Variants in SIM1 observed in about 807,000 individuals in gnomAD.
SIM1 encodes the protein SIM bHLH transcription factor 1.
SIM1 carries 18 observed loss-of-function variants against 78.2 expected under a neutral mutation model. That is an observed-to-expected ratio of 0.23 (90% confidence interval 0.16 to 0.34). The LOEUF (loss-of-function observed/expected upper bound fraction) is 0.34, where lower values mean the gene tolerates loss of function less well. Among genes scored for constraint, SIM1 ranks in the 10% least tolerant of loss-of-function variants. SIM1 has a pLI of 1.00. For missense variants in SIM1, 939 were observed against 975.1 expected (o/e 0.96, Z 0.49); for synonymous variants, 417 against 385.2 (o/e 1.08, Z -0.97).
chr6:100,443,180 A>G (rs751535223), intron 9 of SIM1, among the ~76,000 whole-genome samples: 12 of 152,110 alleles, frequency 7.9e-5, no homozygotes, highest in South Asian at 2.1e-4. Context: ...TACACTACCA[A>G]TATAAATTGT....
chr6:100,395,117 A>T (rs1418954905), intron 10 of SIM1, among the ~76,000 whole-genome samples: 1 of 152,172 alleles, frequency 6.6e-6, no homozygotes, highest in Non-Finnish European at 1.5e-5. Flanking sequence ...CAAGCCACTA[A>T]AATCAGTAAT....
At chr6:100,427,610 T>A (rs1771768536) in intron 9 of SIM1, among the ~76,000 whole-genome samples, 1 of 152,236 alleles carries the variant, frequency 6.6e-6, no homozygotes, top group Non-Finnish European at 1.5e-5. Flanking sequence ...TGTTGATATG[T>A]GGCAAAGTCA....
intron 10 of SIM1, among the ~76,000 whole-genome samples, chr6:100,402,325 A>G (rs1049608316): frequency 6.6e-6 from 1 of 152,182 alleles, no homozygotes; most frequent in African/African-American, 2.4e-5. Context: ...AACTGCAGAA[A>G]GAAATCAGGC....
chr6:100,393,726 G>C lies in SIM1; in HGVS notation c.1331C>G (p.Ser444Cys), dbSNP rs749255309. The C allele has an allele frequency of 1.2e-6, 2 of 1,614,118 alleles. No homozygotes were observed. Among genetic ancestry groups the C allele is most frequent in the East Asian group, 2.2e-5 (1 of 44,898 alleles). The stretch of plus-strand genomic sequence containing the variant: ...GTCAAGCGCAAAGCCATAGCAGAGA[G>C]AGCTGCGGTCCGAAAACTGTCTGTA... ...CAYRQFSDRSSLCYGFALDHS... is the reference protein window; with the variant it reads ...CAYRQFSDRSCLCYGFALDHS... The change falls in exon 11 of 12, where the codon TCT becomes TGT. Residue 444 changes from serine (S) to cysteine (C), a missense_variant. Physicochemically the swap from Ser to Cys is moderately radical, Grantham distance 112. Coordinates refer to ENST00000369208, the MANE Select transcript of SIM1 (RefSeq NM_005068.3).
chr6:100,453,931 G>A, intron 2 of SIM1, 87 bp from the exon 3 acceptor site: 2 of 949,386 alleles, frequency 2.1e-6, no homozygotes, highest in Non-Finnish European at 3.2e-6. Context: ...TATTACCCGA[G>A]TGCCGGCCCC....
intron 9 of SIM1, among the ~76,000 whole-genome samples, chr6:100,442,134 A>G (rs1772235558): frequency 6.6e-6 from 1 of 152,280 alleles, no homozygotes; most frequent in Non-Finnish European, 1.5e-5. Context: ...CCAATGTGAC[A>G]GCACTTTGAA....
chr6:100,463,640 C>G lies in SIM1; in HGVS notation c.-172G>C. ...TGTATTGATGGCAGTAAAAGACCAG[C>G]GGGGGTGAACGGAAAATATGTTCTT... is the stretch of plus-strand genomic sequence containing the variant. On this transcript the variant is annotated 5_prime_UTR_variant, in exon 2 of 12. Coordinates refer to ENST00000369208, the MANE Select transcript of SIM1 (RefSeq NM_005068.3). 1 of 568,750 alleles carries G rather than the reference C, an allele frequency of 1.8e-6. No homozygotes were observed. The highest frequency in any genetic ancestry group is 3.1e-6 in the Non-Finnish European group (1 of 325,838). The allele number at this position is 568,750 out of a possible 1,614,324, so 35.2% of individuals were successfully genotyped here. A position where few individuals can be genotyped will look rare whatever the true frequency, so the allele number is the denominator to read the frequency against.
chr6:100,447,438 A>T, intron 8 of SIM1, 23 bp from the exon 9 acceptor site: 1 of 1,614,018 alleles, frequency 6.2e-7, no homozygotes, highest in Non-Finnish European at 8.5e-7. Context: ...CAGGAGGCAG[A>T]TGGTGGTGAA....
At chr6:100,450,696 T>TCTCTCTCTCTCACACACACA (rs1421452803) in intron 3 of SIM1, among the ~76,000 whole-genome samples, 27 of 91,924 alleles carry the variant, frequency 2.9e-4, no homozygotes, top group South Asian at 9.4e-4. Context: ...TCTCTCTCTC[T>TCTCTCTCTCTCACACACACA]CACACACACA....
intron 2 of SIM1, among the ~76,000 whole-genome samples, chr6:100,454,519 C>G (rs1314988985): frequency 6.6e-6 from 1 of 152,182 alleles, no homozygotes; most frequent in Admixed American, 6.5e-5. Flanking sequence ...TACCCACCCC[C>G]CTACCACCAA....
chr6:100,443,968 A>T lies in SIM1; in HGVS notation c.998+3300T>A, dbSNP rs574530270. ...TTTATGTTTTAAAATATTTTTAAAT[A>T]GGAATTTTATACTCTAGTGGGTTAT... is the stretch of plus-strand genomic sequence containing the variant. On this transcript the variant is annotated intron_variant, in intron 9 of 11. Transcript: ENST00000369208. 5.3e-5 allele frequency among the ~76,000 whole-genome samples: 8 copies of T among 152,256 alleles called. No individual in the cohort carries two copies. In the East Asian group the frequency reaches 1.5e-3, roughly 29 times the overall value.
intron 9 of SIM1, among the ~76,000 whole-genome samples, chr6:100,421,879 T>A (rs529831163): frequency 2.6e-5 from 4 of 152,190 alleles, no homozygotes; most frequent in African/African-American, 7.2e-5. Flanking sequence ...TGAAGACTCA[T>A]GGGAGAATTT....
At chr6:100,448,125 C>G (rs774348923) in intron 8 of SIM1, 21 bp downstream of exon 8, 9 of 1,590,494 alleles carry the variant, frequency 5.7e-6, no homozygotes, top group Non-Finnish European at 7.7e-6. Context: ...TGCTAGGGTA[C>G]GGGGCAGGGT....
chr6:100,449,491 G>T (rs373198910), intron 5 of SIM1, 43 bp from the exon 6 acceptor site: 1 of 1,589,428 alleles, frequency 6.3e-7, no homozygotes, highest in Admixed American at 1.7e-5. Context: ...GTGTGACACC[G>T]GCGGCGTGGG....
intron 10 of SIM1, among the ~76,000 whole-genome samples, chr6:100,403,819 C>T (rs1237350562): frequency 1.3e-5 from 2 of 152,168 alleles, no homozygotes; most frequent in African/African-American, 4.8e-5. Flanking sequence ...ATTCCGTACA[C>T]ACTGTTTTAT....
At chr6:100,428,445 C>T (rs966065338) in intron 9 of SIM1, among the ~76,000 whole-genome samples, 4 of 152,016 alleles carry the variant, frequency 2.6e-5, no homozygotes, top group African/African-American at 9.7e-5. Flanking sequence ...AAGGTTTAAC[C>T]TCATGAGTAA....
chr6:100,436,743 T>C (rs541907301), intron 9 of SIM1, among the ~76,000 whole-genome samples: 1 of 71,324 alleles, frequency 1.4e-5, no homozygotes, highest in Admixed American at 1.7e-4. Context: ...GTTTTTGGTA[T>C]TTTTTTTTTT....
At chr6:100,402,756 T>G (rs1468270849) in intron 10 of SIM1, among the ~76,000 whole-genome samples, 1 of 151,884 alleles carries the variant, frequency 6.6e-6, no homozygotes, top group Non-Finnish European at 1.5e-5. Context: ...TTTTTGTATT[T>G]TTAGTAGAGA....
At chr6:100,448,328 G>C in intron 7 of SIM1, 76 bp from the exon 8 acceptor site, 2 of 1,370,412 alleles carry the variant, frequency 1.5e-6, no homozygotes, top group Non-Finnish European at 2.0e-6. Flanking sequence ...CTCGACAGCC[G>C]TCTGACACCT....
Sources: gnomAD v4.1 joint callset for allele counts (sites outside exome capture counted in the v4.1 genomes callset) on GRCh38, gnomAD v4.1.1 for gene constraint, MANE v1.5 for transcripts, NCBI Gene and HGNC (gene_info 2026-07-23, HGNC 2026-07-21) for gene names.